The following SLC30A8 variants were observed in gnomAD, a reference collection of about 807,000 sequenced individuals.
SLC30A8 encodes proton-coupled zinc antiporter SLC30A8.
A neutral mutation model predicts 36.9 loss-of-function variants in SLC30A8; 27 were observed. The observed-to-expected ratio is 0.73, with a 90% CI of 0.54 to 1.01. The LOEUF (loss-of-function observed/expected upper bound fraction) is 1.01, where lower values mean the gene tolerates loss of function less well. Among genes scored for constraint, SLC30A8 ranks in the 50% least tolerant of loss-of-function variants. The probability of loss-of-function intolerance (pLI) is 0.00; values close to 1 mark genes in which losing one functional copy is unlikely to be tolerated. For missense variants in SLC30A8, 439 were observed against 452.0 expected (o/e 0.97, Z 0.26); for synonymous variants, 164 against 172.4 (o/e 0.95, Z 0.38).
intron 1 of SLC30A8, among the ~76,000 whole-genome samples, chr8:116,993,614 A>G (rs1216416615): frequency 6.6e-6 from 1 of 151,892 alleles, no homozygotes; most frequent in Non-Finnish European, 1.5e-5. Flanking sequence ...AAGTTGAAAA[A>G]CATGTGACAA....
intron 2 of SLC30A8, among the ~76,000 whole-genome samples, chr8:117,150,715 C>G (rs1023681676): frequency 6.6e-6 from 1 of 152,124 alleles, no homozygotes; most frequent in South Asian, 2.1e-4. Context: ...ACGCCATTCT[C>G]CTGCCTCAGC....
At chr8:117,081,532 A>G (rs878899597) in intron 2 of SLC30A8, among the ~76,000 whole-genome samples, 4 of 152,204 alleles carry the variant, frequency 2.6e-5, no homozygotes, top group Admixed American at 2.6e-4. Context: ...ATTTCCAAAT[A>G]CAGTCATGTT....
chr8:117,003,125 T>A (rs555353142), intron 1 of SLC30A8, among the ~76,000 whole-genome samples: 1 of 152,310 alleles, frequency 6.6e-6, no homozygotes, highest in African/African-American at 2.4e-5. Context: ...GCTGCAGCAC[T>A]TCTGCTGCTG....
chr8:117,049,449 G>A (rs898478596), intron 2 of SLC30A8, among the ~76,000 whole-genome samples: 2 of 152,170 alleles, frequency 1.3e-5, no homozygotes, highest in South Asian at 2.1e-4. Context: ...ATCTGAATAC[G>A]CTCTGTAGTC....
At chr8:117,087,530 CGT>C (rs1165838842) in intron 2 of SLC30A8, among the ~76,000 whole-genome samples, 3 of 152,054 alleles carry the variant, frequency 2.0e-5, no homozygotes, top group African/African-American at 7.2e-5. Flanking sequence ...AAGCTGGCTT[CGT>C]CTTTTTTTTT....
At chr8:116,958,844 T>A (rs1814311058) in intron 1 of SLC30A8, among the ~76,000 whole-genome samples, 1 of 119,096 alleles carries the variant, frequency 8.4e-6, no homozygotes, top group Non-Finnish European at 1.7e-5. Flanking sequence ...TCTTTTCATT[T>A]TTTTTTTTTT....
intron 1 of SLC30A8, among the ~76,000 whole-genome samples, chr8:116,973,213 T>C (rs1379180359): frequency 1.3e-5 from 2 of 152,178 alleles, no homozygotes; most frequent in Non-Finnish European, 2.9e-5. Flanking sequence ...GAAATAAATG[T>C]ATGGTTTTTA....
In SLC30A8 at chr8:117,157,778, C is replaced by G; in HGVS notation, c.506C>G (p.Pro169Arg). The change falls in exon 4 of 8, where the codon CCT (proline) becomes CGT (arginine). Residue 169 changes from proline (P) to arginine (R), a missense_variant. Physicochemically the swap from Pro to Arg is moderately radical, Grantham distance 103. Coordinates refer to ENST00000456015, the MANE Select transcript of SLC30A8 (RefSeq NM_173851.3). The part of the protein sequence containing the change: ...VYLACERLLY[P>R]DYQIQATVMI... ...CTGGCATGTGAGCGCCTGCTGTATCCTGATTACCAGATCCAGGCGACTGTG... is the reference window on the plus strand; with the variant it reads ...CTGGCATGTGAGCGCCTGCTGTATCGTGATTACCAGATCCAGGCGACTGTG... The G allele has an allele frequency of 6.2e-7, 1 of 1,614,080 alleles. No individual in the cohort carries two copies. The highest frequency in any genetic ancestry group is 8.5e-7 in the Non-Finnish European group (1 of 1,180,008).
chr8:117,018,961 C>T (rs1439231742), intron 1 of SLC30A8, among the ~76,000 whole-genome samples: 4 of 152,226 alleles, frequency 2.6e-5, no homozygotes, highest in African/African-American at 4.8e-5. Context: ...CTGCGCCCAG[C>T]CCACCTCTTG....
At chr8:117,056,490 G>T (rs899003368) in intron 2 of SLC30A8, among the ~76,000 whole-genome samples, 1 of 152,194 alleles carries the variant, frequency 6.6e-6, no homozygotes, top group African/African-American at 2.4e-5. Context: ...ATCCCAAAAG[G>T]CTGGGTAGGT....
chr8:116,950,500 T>C (rs1368308589), upstream of SLC30A8: 1 of 152,262 alleles, frequency 6.6e-6, no homozygotes, highest in Non-Finnish European at 1.5e-5. Context: ...TTTTGTTTTT[T>C]GGCAACTGGA....
intron 2 of SLC30A8, 59 bp from the exon 3 acceptor site, chr8:117,152,885 T>C: frequency 7.4e-7 from 1 of 1,344,040 alleles, no homozygotes; most frequent in Non-Finnish European, 9.9e-7. Context: ...GGTTAGCATG[T>C]CTGTGAATCT....
chr8:117,054,899 C>G (rs1164666288), intron 2 of SLC30A8, among the ~76,000 whole-genome samples: 1 of 152,082 alleles, frequency 6.6e-6, no homozygotes, highest in Admixed American at 6.6e-5. Context: ...ACTTAACTCT[C>G]TGATTCTCTG....
At chr8:117,163,319 G>GTGAC in intron 5 of SLC30A8, 106 bp from the exon 6 acceptor site, 1 of 837,022 alleles carries the variant, frequency 1.2e-6, no homozygotes, top group Non-Finnish European at 1.9e-6. Flanking sequence ...GGGTAAATGA[G>GTGAC]TGACAGAGAA....
chr8:116,968,933 C>T (rs546962995), intron 1 of SLC30A8, among the ~76,000 whole-genome samples: 5 of 152,008 alleles, frequency 3.3e-5, no homozygotes, highest in South Asian at 2.1e-4. Flanking sequence ...GAGGGGGTTT[C>T]GCCATGTTGG....
At chr8:117,166,923 G>A (rs1823086798) in intron 6 of SLC30A8, among the ~76,000 whole-genome samples, 1 of 151,840 alleles carries the variant, frequency 6.6e-6, no homozygotes, top group African/African-American at 2.4e-5. Flanking sequence ...ATTGTTGAAA[G>A]ATAATAGTGT....
At chr8:117,052,971 A>G (rs1005885017) in intron 2 of SLC30A8, among the ~76,000 whole-genome samples, 5 of 151,024 alleles carry the variant, frequency 3.3e-5, no homozygotes, top group Non-Finnish European at 7.4e-5. Flanking sequence ...CAGTGGTGCA[A>G]TCTCAGCTCA....
At chr8:117,144,251 GATATAA>G (rs1408967074) in intron 1 of SLC30A8, among the ~76,000 whole-genome samples, 1 of 152,112 alleles carries the variant, frequency 6.6e-6, no homozygotes, top group East Asian at 1.9e-4. Context: ...ACTCATTTAA[GATATAA>G]ATACTTTATT....
At chr8:117,171,602 T>A (rs561946470) in intron 7 of SLC30A8, among the ~76,000 whole-genome samples, 1 of 152,266 alleles carries the variant, frequency 6.6e-6, no homozygotes, top group African/African-American at 2.4e-5. Flanking sequence ...ACTCTTAAAT[T>A]TCTAACAAGC....
Sources: allele counts gnomAD v4.1 joint callset (sites outside exome capture counted in the v4.1 genomes callset), GRCh38; gene constraint gnomAD v4.1.1; transcripts MANE v1.5; gene names NCBI Gene and HGNC (gene_info 2026-07-23, HGNC 2026-07-21).